FRMD3: variants seen among roughly 807,000 people sequenced by gnomAD.
FRMD3 encodes FERM domain containing 3, also known as FERM domain-containing protein 3.
Under a neutral mutation model 70.2 loss-of-function variants are expected in FRMD3, and 33 were observed. The ratio of observed to expected loss-of-function variants is 0.47; its 90% CI spans 0.36 to 0.63. The LOEUF is 0.63. Ranked by LOEUF, FRMD3 falls within the 20% of genes least tolerant of loss-of-function variation. The pLI, the probability that FRMD3 is intolerant of heterozygous loss-of-function variation, is 0.00. For synonymous variants in FRMD3, 279 were observed against 255.9 expected (o/e 1.09, Z -0.86); for missense variants, 632 against 711.4 (o/e 0.89, Z 1.27).
chr9:83,377,790 C>T (rs934093508), intron 2 of FRMD3, among the ~76,000 whole-genome samples: 3 of 152,122 alleles, frequency 2.0e-5, no homozygotes, highest in African/African-American at 7.2e-5. Context: ...ATAAATTACC[C>T]AGTCTCAGGT....
intron 3 of FRMD3, among the ~76,000 whole-genome samples, chr9:83,352,542 C>T (rs1409927008): frequency 2.6e-5 from 4 of 152,188 alleles, no homozygotes; most frequent in Non-Finnish European, 4.4e-5. Context: ...CAGTTCTCCT[C>T]ACTTCAAGCT....
chr9:83,416,277 A>T (rs1283545209), intron 1 of FRMD3, among the ~76,000 whole-genome samples: 1 of 152,216 alleles, frequency 6.6e-6, no homozygotes, highest in African/African-American at 2.4e-5. Context: ...AAAAGTGTCA[A>T]TCAAGAAGCA....
downstream of FRMD3, chr9:83,243,229 T>G: frequency 6.5e-7 from 1 of 1,550,212 alleles, no homozygotes; most frequent in South Asian, 1.2e-5. Flanking sequence ...GAAGCCCAGA[T>G]GCAGGTCCAA....
intron 1 of FRMD3, among the ~76,000 whole-genome samples, chr9:83,399,394 A>C (rs1825890765): frequency 6.6e-6 from 1 of 152,172 alleles, no homozygotes; most frequent in Admixed American, 6.5e-5. Context: ...ACTGGCACAC[A>C]GGTCCATCCC....
At chr9:83,509,240 G>A (rs1294602068) in intron 1 of FRMD3, among the ~76,000 whole-genome samples, 2 of 152,162 alleles carry the variant, frequency 1.3e-5, no homozygotes, top group Admixed American at 6.5e-5. Context: ...AAACTCAGAT[G>A]TTATACCAGG....
intron 13 of FRMD3, among the ~76,000 whole-genome samples, chr9:83,261,574 A>C (rs967306396): frequency 6.6e-6 from 1 of 152,148 alleles, no homozygotes; most frequent in African/African-American, 2.4e-5. Flanking sequence ...GTGAGGGCCT[A>C]AACTCTCTGC....
the FRMD3 span, among the ~76,000 whole-genome samples, chr9:83,558,991 A>G: frequency 6.6e-6 from 1 of 152,224 alleles, no homozygotes; most frequent in Admixed American, 6.5e-5. Context: ...ACAACAAGAA[A>G]GTGGATGCTT....
intron 1 of FRMD3, among the ~76,000 whole-genome samples, chr9:83,468,765 A>G (rs1193857413): frequency 6.6e-6 from 1 of 152,240 alleles, no homozygotes; most frequent in Non-Finnish European, 1.5e-5. Context: ...ACAGCAATTT[A>G]TCACCATAGA....
chr9:83,409,068 G>T (rs1293622761), intron 1 of FRMD3, among the ~76,000 whole-genome samples: 1 of 152,146 alleles, frequency 6.6e-6, no homozygotes, highest in East Asian at 1.9e-4. Context: ...TCAGTTCCAT[G>T]CAGGTCAGCA....
At chr9:83,287,119 G>T (rs1287248346) in intron 13 of FRMD3, among the ~76,000 whole-genome samples, 3 of 152,176 alleles carry the variant, frequency 2.0e-5, no homozygotes, top group African/African-American at 4.8e-5. Context: ...CTCTCTGCCT[G>T]CTTCAGCCCT....
At chr9:83,479,873 T>C (rs1052004900) in intron 1 of FRMD3, among the ~76,000 whole-genome samples, 1 of 150,066 alleles carries the variant, frequency 6.7e-6, no homozygotes, top group Non-Finnish European at 1.5e-5. Context: ...AATAGGAAAA[T>C]GTAAGTCAAG....
At chr9:83,317,126 GT>G (rs1293624391) in intron 6 of FRMD3, among the ~76,000 whole-genome samples, 1 of 150,456 alleles carries the variant, frequency 6.6e-6, no homozygotes, top group Non-Finnish European at 1.5e-5. Flanking sequence ...GAAAGATCCT[GT>G]CTTAAAAAAA....
chr9:83,399,368 G>T (rs968028548), intron 1 of FRMD3, among the ~76,000 whole-genome samples: 1 of 152,026 alleles, frequency 6.6e-6, no homozygotes, highest in Non-Finnish European at 1.5e-5. Context: ...CTAGTCATTC[G>T]GTCATTTCTG....
chr9:83,498,119 G>A (rs1259312719), intron 1 of FRMD3, among the ~76,000 whole-genome samples: 1 of 152,004 alleles, frequency 6.6e-6, no homozygotes, highest in Non-Finnish European at 1.5e-5. Flanking sequence ...GCAGTGAGCT[G>A]AGAGTGTGCC....
Position 83,290,669 on chromosome 9 carries a change from T to G in FRMD3, c.1129A>C (p.Met377Leu). Residue 377 changes from methionine (M) to leucine (L), a missense_variant, in exon 13 of 14, where the codon ATG (methionine) becomes CTG (leucine). This residue lies in a region of FRMD3 where 418 missense variants were observed against 442.1 expected (regional missense o/e 0.95). Transcript: ENST00000304195. ...GGAAGCAGGGGCTGCAGGGGTTCCA[T>G]GTTAATGATGAGCTGTTTGTTCAAG... ...HSLNKQLIIN[M>L]EPLQPLLPSP... The G allele has an allele frequency of 6.2e-7, 1 of 1,614,004 alleles. No homozygotes were observed. The highest frequency in any genetic ancestry group is 2.2e-5 in the East Asian group (1 of 44,874).
chr9:83,297,876 C>T (rs564165616), intron 12 of FRMD3: 1 of 469,734 alleles, frequency 2.1e-6, no homozygotes. Flanking sequence ...GAAATGCCAT[C>T]TGGATGCTTC....
At chr9:83,377,748 C>A (rs1825194562) in intron 2 of FRMD3, among the ~76,000 whole-genome samples, 1 of 152,104 alleles carries the variant, frequency 6.6e-6, no homozygotes, top group Non-Finnish European at 1.5e-5. Flanking sequence ...GTACAGCCTT[C>A]AGAACCATGA....
the FRMD3 span, among the ~76,000 whole-genome samples, chr9:83,545,347 T>G: frequency 8.1e-5 from 10 of 124,136 alleles, no homozygotes; most frequent in East Asian, 2.1e-4. Context: ...AAAAGTGTTG[T>G]TTTTTTTTGT....
At position 83,309,609 on chromosome 9, in the gene FRMD3, C is replaced by T; in HGVS notation, c.853G>A (p.Ala285Thr). The T allele has an allele frequency of 1.9e-6, 3 of 1,583,174 alleles. No individual in the cohort carries two copies. The South Asian group carries it at 3.6e-5, about 19-fold the overall frequency. Residue 285 changes from alanine to threonine, a missense_variant, in exon 10 of 14, where the codon GCA (alanine) becomes ACA (threonine). By Grantham distance (58) the Ala-to-Thr change is moderately conservative (BLOSUM62 0). Transcript: ENST00000304195. ...GCAGCTGGTGTTGAAGTATGGAATGCCAACATGGCTTTTTTCTAATTAAAA... is the reference window on the plus strand; with the variant it reads ...GCAGCTGGTGTTGAAGTATGGAATGTCAACATGGCTTTTTTCTAATTAAAA... ...GTQKEKKAML[A>T]FHTSTPAACK...
Sources: gnomAD v4.1 joint callset for allele counts (sites outside exome capture counted in the v4.1 genomes callset) on GRCh38, gnomAD v4.1.1 for gene constraint, gnomAD v4.1.1 regional missense constraint, MANE v1.5 for transcripts, NCBI Gene and HGNC (gene_info 2026-07-23, HGNC 2026-07-21) for gene names.